The following LRP1B variants were observed in gnomAD, a reference collection of about 807,000 sequenced individuals.
LRP1B encodes the protein LDL receptor related protein 1B.
Under a neutral mutation model 556.6 loss-of-function variants are expected in LRP1B, and 217 were observed. The ratio of observed to expected loss-of-function variants is 0.39; its 90% CI spans 0.35 to 0.44. LRP1B has a LOEUF of 0.44. Among genes scored for constraint, LRP1B ranks in the 20% least tolerant of loss-of-function variants. The pLI, the probability that LRP1B is intolerant of heterozygous loss-of-function variation, is 1.00. For synonymous variants in LRP1B, 2,047 were observed against 1,865.8 expected (o/e 1.10, Z -2.50); for missense variants, 5,053 against 5,620.8 (o/e 0.90, Z 3.23).
chr2:141,419,284 A>C (rs1680054898), intron 3 of LRP1B, among the ~76,000 whole-genome samples: 1 of 152,098 alleles, frequency 6.6e-6, no homozygotes. Context: ...TGTCTTCAGT[A>C]TCAGGGTCAT....
intron 3 of LRP1B, among the ~76,000 whole-genome samples, chr2:141,475,886 TCTC>T (rs908997025): frequency 3.8e-4 from 57 of 151,916 alleles, no homozygotes; most frequent in African/African-American, 1.4e-3. Flanking sequence ...AACAATAAAA[TCTC>T]CTTCATTTAC....
intron 72 of LRP1B, among the ~76,000 whole-genome samples, chr2:140,360,287 T>C (rs774109308): frequency 3.3e-5 from 5 of 151,510 alleles, no homozygotes; most frequent in African/African-American, 1.2e-4. Context: ...TTCTTAAATA[T>C]GTTACACTCC....
intron 32 of LRP1B, among the ~76,000 whole-genome samples, chr2:140,789,876 C>A (rs1433349205): frequency 6.6e-6 from 1 of 151,590 alleles, no homozygotes; most frequent in African/African-American, 2.4e-5. Context: ...GCGATCCGCC[C>A]GCCTCGGCCT....
chr2:140,836,244 A>G (rs562452277), intron 31 of LRP1B, among the ~76,000 whole-genome samples: 8 of 152,276 alleles, frequency 5.3e-5, no homozygotes, highest in African/African-American at 1.4e-4. Flanking sequence ...AATAACCACA[A>G]AAGTTATATA....
chr2:140,467,500 C>G (rs1264628772), intron 60 of LRP1B, among the ~76,000 whole-genome samples: 1 of 150,640 alleles, frequency 6.6e-6, no homozygotes, highest in Admixed American at 6.6e-5. Context: ...TTAATCCCAG[C>G]TACTTGGGAG....
chr2:140,576,852 T>G (rs761724832), intron 43 of LRP1B, among the ~76,000 whole-genome samples: 11 of 152,208 alleles, frequency 7.2e-5, no homozygotes, highest in Non-Finnish European at 1.3e-4. Context: ...GTAAACACAT[T>G]GAAGTCTCTC....
At chr2:140,318,369 T>G (rs985101322) in intron 82 of LRP1B, among the ~76,000 whole-genome samples, 3 of 152,116 alleles carry the variant, frequency 2.0e-5, no homozygotes, top group Admixed American at 1.3e-4. Context: ...GTTTCTGAAA[T>G]CATGCCTTTT....
intron 1 of LRP1B, among the ~76,000 whole-genome samples, chr2:141,909,888 C>A (rs1199215461): frequency 2.0e-5 from 3 of 151,898 alleles, no homozygotes; most frequent in Non-Finnish European, 2.9e-5. Context: ...AAATGGATGA[C>A]TGATTTGATT....
At chr2:140,803,114 G>A (rs1690572681) in intron 32 of LRP1B, among the ~76,000 whole-genome samples, 3 of 152,076 alleles carry the variant, frequency 2.0e-5, no homozygotes, top group Non-Finnish European at 2.9e-5. Context: ...TGATTTGCAC[G>A]GATCAGTTTT....
At chr2:140,764,525 G>A (rs530693734) in intron 35 of LRP1B, among the ~76,000 whole-genome samples, 2 of 152,076 alleles carry the variant, frequency 1.3e-5, no homozygotes, top group Non-Finnish European at 1.5e-5. Flanking sequence ...TATGAATGTC[G>A]TGGGACTAAT....
Position 140,417,020 on chromosome 2 carries a change from C to T in LRP1B, c.10414+25484G>A, listed in dbSNP as rs112455750. Among the ~76,000 whole-genome samples the T allele has an allele frequency of 1.1e-4, 16 of 152,306 alleles. 1 individual carries two copies. Among genetic ancestry groups the T allele is most frequent in the African/African-American group, 3.8e-4 (16 of 41,580 alleles). On this transcript the variant is annotated intron_variant, in intron 66 of 90. Transcript: ENST00000389484. The stretch of plus-strand genomic sequence containing the variant: ...AGAAAACTGCATTTAAAAGAAAATA[C>T]TCGCTTTGTATAACATGTGGCAACC...
Position 140,359,010 on chromosome 2 carries a change from T to C in LRP1B, c.11132-64A>G, listed in dbSNP as rs1682380118. 6 of 1,479,812 alleles carry C rather than the reference T, an allele frequency of 4.1e-6. No homozygotes were observed. The South Asian group carries it at 7.4e-5, about 18-fold the overall frequency. 91.7% of individuals were successfully genotyped at this position (1,479,812 alleles called of 1,614,324 possible). On this transcript the variant is annotated intron_variant, in intron 72 of 90. Coordinates refer to ENST00000389484, the MANE Select transcript of LRP1B (RefSeq NM_018557.3). Reference sequence around the variant, plus strand: ...GTACATTGCTTTATGAAGAACATTCTTCCTTTTTCTTTTATTCTTTTCAAA... The same window carrying C: ...GTACATTGCTTTATGAAGAACATTCCTCCTTTTTCTTTTATTCTTTTCAAA...
intron 1 of LRP1B, among the ~76,000 whole-genome samples, chr2:141,816,348 G>C (rs1321489611): frequency 6.6e-6 from 1 of 152,132 alleles, no homozygotes; most frequent in African/African-American, 2.4e-5. Context: ...TGTCAGCGTG[G>C]CTAGAATAAA....
intron 14 of LRP1B, among the ~76,000 whole-genome samples, chr2:141,011,060 T>A: frequency 7.4e-6 from 1 of 135,736 alleles, no homozygotes; most frequent in Admixed American, 7.5e-5. Context: ...ATCATATAAT[T>A]TGTATTCTCT....
At position 141,810,409 on chromosome 2, in the gene LRP1B, T is replaced by C. The variant is rs773492898; in HGVS notation, c.83-8A>G. On this transcript the variant is annotated splice_polypyrimidine_tract_variant and splice_region_variant and intron_variant, in intron 1 of 90. Transcript: ENST00000389484. ...GATCACACAACTGCTGATCTGAAAATGAAAATGTTTCGAAATAAAATATGA... is the reference window on the plus strand; with the variant it reads ...GATCACACAACTGCTGATCTGAAAACGAAAATGTTTCGAAATAAAATATGA... The C allele has an allele frequency of 9.9e-6, 16 of 1,612,088 alleles. No homozygotes were observed. Among genetic ancestry groups the C allele is most frequent in the Non-Finnish European group, 1.4e-5 (16 of 1,178,860 alleles).
chr2:140,868,204 C>T lies in LRP1B; in HGVS notation c.4229G>A (p.Ser1410Asn), dbSNP rs763736755. Residue 1410 changes from serine to asparagine, a missense_variant, in exon 26 of 91, where the codon AGT becomes AAT. By Grantham distance (46) the Ser-to-Asn change is conservative (BLOSUM62 1). Around this residue, in one of 5 missense-constraint regions of LRP1B, gnomAD observed 3,619 missense variants for 3,931.9 expected, o/e 0.92. Coordinates refer to ENST00000389484, the MANE Select transcript of LRP1B (RefSeq NM_018557.3). ...NFPRIESASM[S>N]GAGRKTIYKD... ...ATAGATGGTTTTTCTCCCAGCACCA[C>T]TCATAGAGGCAGATTCAATGCGAGG... 13 of 1,606,644 alleles carry T rather than the reference C, an allele frequency of 8.1e-6. No individual in the cohort carries two copies. In the Admixed American group the frequency reaches 8.4e-5, roughly 10 times the overall value.
chr2:141,278,751 C>A (rs889818719), intron 3 of LRP1B, among the ~76,000 whole-genome samples: 1 of 152,196 alleles, frequency 6.6e-6, no homozygotes, highest in Non-Finnish European at 1.5e-5. Flanking sequence ...GGAAGACCAA[C>A]AGACTGACTT....
intron 43 of LRP1B, 106 bp from the exon 44 acceptor site, chr2:140,542,077 A>G: frequency 1.5e-6 from 1 of 652,788 alleles, no homozygotes; most frequent in Non-Finnish European, 2.4e-6. Flanking sequence ...GTTGGATTTA[A>G]TTAACAGAAA....
intron 1 of LRP1B, among the ~76,000 whole-genome samples, chr2:142,043,886 C>A (rs1311790726): frequency 1.3e-5 from 2 of 151,642 alleles, no homozygotes; most frequent in Non-Finnish European, 3.0e-5. Context: ...CCATAGAATA[C>A]AATAGGTGAG....
Sources: gnomAD v4.1 joint callset for allele counts (sites outside exome capture counted in the v4.1 genomes callset) on GRCh38, gnomAD v4.1.1 for gene constraint, gnomAD v4.1.1 regional missense constraint, MANE v1.5 for transcripts, NCBI Gene and HGNC (gene_info 2026-07-23, HGNC 2026-07-21) for gene names.